AFTPH: variants seen among roughly 807,000 people sequenced by gnomAD.
The protein encoded by AFTPH is aftiphilin protein.
AFTPH carries 7 observed loss-of-function variants against 72.5 expected under a neutral mutation model. The ratio of observed to expected loss-of-function variants is 0.10; its 90% CI spans 0.05 to 0.18. The LOEUF (loss-of-function observed/expected upper bound fraction) is 0.18, where lower values mean the gene tolerates loss of function less well. Among genes scored for constraint, AFTPH ranks in the 10% least tolerant of loss-of-function variants. AFTPH has a pLI of 1.00. For synonymous variants in AFTPH, 337 were observed against 370.1 expected (o/e 0.91, Z 1.03); for missense variants, 979 against 1,060.5 (o/e 0.92, Z 1.07).
rs770416781 is a variant in AFTPH, at chr2:64,553,321, G to C, written c.1847G>C (p.Gly616Ala). 9.9e-6 allele frequency: 16 copies of C among 1,613,996 alleles called. No homozygotes were observed. In the Admixed American group the frequency reaches 1.7e-4, roughly 17 times the overall value. Reference sequence around the variant, plus strand: ...ACAGATGAAAATATTGATACTCCAGGAACCCCCAAAACGCACAGTGTACCT... The same window carrying C: ...ACAGATGAAAATATTGATACTCCAGCAACCCCCAAAACGCACAGTGTACCT... Residue 616 changes from glycine to alanine, a missense_variant, in exon 2 of 9, where the codon GGA becomes GCA. Coordinates refer to ENST00000238856, the Ensembl canonical transcript of AFTPH.
chr2:64,570,910 T>TCCCCCCC (rs1270099419), intron 5 of AFTPH, among the ~76,000 whole-genome samples: 1 of 38,630 alleles, frequency 2.6e-5, no homozygotes, highest in African/African-American at 1.0e-4. Flanking sequence ...ACTTCTTTCC[T>TCCCCCCC]CCCCTCCCCC....
chr2:64,583,440 G>T lies in AFTPH; in HGVS notation c.2456-1982G>T, dbSNP rs184847091. Among the ~76,000 whole-genome samples the T allele has an allele frequency of 1.1e-3, 172 of 150,036 alleles. 2 individuals carry two copies. Among genetic ancestry groups the T allele is most frequent in the African/African-American group, 4.1e-3 (166 of 40,782 alleles). On this transcript the variant is annotated intron_variant, in intron 7 of 8. Coordinates refer to ENST00000238856, the Ensembl canonical transcript of AFTPH. ...TTGGTGTGGTGGTAGTTATTTGGGGGTGTGATTTTGTTGTCTTTTTTTTTA... is the reference window on the plus strand; with the variant it reads ...TTGGTGTGGTGGTAGTTATTTGGGGTTGTGATTTTGTTGTCTTTTTTTTTA...
chr2:64,582,931 G>A (rs555171490), intron 7 of AFTPH, among the ~76,000 whole-genome samples: 1 of 152,328 alleles, frequency 6.6e-6, no homozygotes, highest in South Asian at 2.1e-4. Context: ...AGCGGTTTCA[G>A]AAGCTTAGAG....
chr2:64,558,901 G>T (rs1157156665), intron 2 of AFTPH, among the ~76,000 whole-genome samples: 1 of 152,074 alleles, frequency 6.6e-6, no homozygotes, highest in East Asian at 1.9e-4. Context: ...CACTTACTCA[G>T]ACTGGAACAA....
intron 5 of AFTPH, among the ~76,000 whole-genome samples, chr2:64,570,774 T>C (rs956842535): frequency 3.9e-5 from 6 of 152,212 alleles, no homozygotes; most frequent in Admixed American, 1.3e-4. Flanking sequence ...TACTTAATGC[T>C]TATGCGTAGC....
At chr2:64,529,549 C>T (rs192564316) in intron 1 of AFTPH, among the ~76,000 whole-genome samples, 153 of 151,684 alleles carry the variant, frequency 1.0e-3, no homozygotes, top group African/African-American at 3.6e-3. Context: ...TGGGTGTATA[C>T]ATATTTAAAT....
chr2:64,584,275 C>A (rs1404008203), intron 7 of AFTPH, among the ~76,000 whole-genome samples: 1 of 151,790 alleles, frequency 6.6e-6, no homozygotes, highest in Non-Finnish European at 1.5e-5. Flanking sequence ...GTCATCATTG[C>A]TATAAATCTG....
intron 1 of AFTPH, among the ~76,000 whole-genome samples, chr2:64,535,780 A>G (rs893606950): frequency 2.6e-5 from 4 of 152,170 alleles, no homozygotes; most frequent in Non-Finnish European, 5.9e-5. Context: ...ACGTGTGACA[A>G]CTTAGAGGTA....
chr2:64,525,887 T>TA (rs1669231579), intron 1 of AFTPH, among the ~76,000 whole-genome samples: 1 of 152,222 alleles, frequency 6.6e-6, no homozygotes, highest in East Asian at 1.9e-4. Flanking sequence ...TCACATGGAT[T>TA]AAAAGACAGA....
chr2:64,546,999 A>C (rs1670676271), intron 1 of AFTPH, among the ~76,000 whole-genome samples: 1 of 152,134 alleles, frequency 6.6e-6, no homozygotes, highest in Non-Finnish European at 1.5e-5. Flanking sequence ...CAGTGAGCCG[A>C]GATCGTGCCA....
In AFTPH at chr2:64,529,261, A is replaced by G. The variant is rs376903151; in HGVS notation, c.-33+4649A>G. Among the ~76,000 whole-genome samples the G allele has an allele frequency of 6.0e-5, 9 of 150,172 alleles. 1 individual carries two copies. The East Asian group carries it at 1.6e-3, about 26-fold the overall frequency. On this transcript the variant is annotated intron_variant, in intron 1 of 8. Transcript: ENST00000238856. ...GCCCCATGCTTTATCTTTAATGACT[A>G]CCATTTCCTCTGTCAATTAAATCCT...
chr2:64,546,706 T>C (rs1553397405), intron 1 of AFTPH, among the ~76,000 whole-genome samples: 1 of 152,070 alleles, frequency 6.6e-6, no homozygotes, highest in Non-Finnish European at 1.5e-5. Flanking sequence ...GTGTATCTCC[T>C]ACAACCAAGG....
intron 7 of AFTPH, 28 bp downstream of exon 7, chr2:64,579,574 C>A: frequency 6.3e-7 from 1 of 1,595,836 alleles, no homozygotes; most frequent in Non-Finnish European, 8.6e-7. Flanking sequence ...GCCTCTAGCA[C>A]CAGAGCTAGA....
intron 1 of AFTPH, among the ~76,000 whole-genome samples, chr2:64,531,061 CAAAAAAAAAAA>C (rs370897333): frequency 1.4e-5 from 1 of 71,500 alleles, no homozygotes; most frequent in African/African-American, 4.7e-5. Flanking sequence ...GACTTCATCT[CAAAAAAAAAAA>C]AAAAAAAAAC....
In AFTPH at chr2:64,566,629, T is replaced by G. The variant is rs1376558758; in HGVS notation, c.1936-933T>G. ...TTGATGTTTAAATGGTAAATTGGGC[T>G]AAGTTGGAAAATATATTACATGTAT... is the stretch of plus-strand genomic sequence containing the variant. On this transcript the variant is annotated intron_variant, in intron 2 of 8. Transcript: ENST00000238856. 3.9e-5 allele frequency among the ~76,000 whole-genome samples: 6 copies of G among 152,294 alleles called. No homozygotes were observed. The East Asian group carries it at 1.2e-3, about 29-fold the overall frequency.
chr2:64,540,831 A>G (rs1670208691), intron 1 of AFTPH, among the ~76,000 whole-genome samples: 3 of 152,106 alleles, frequency 2.0e-5, no homozygotes, highest in Admixed American at 2.0e-4. Flanking sequence ...TACTGAAACA[A>G]GATATTTGCT....
chr2:64,549,054 GA>G, intron 1 of AFTPH, among the ~76,000 whole-genome samples: 1 of 152,106 alleles, frequency 6.6e-6, no homozygotes. Context: ...TGAACTTTGG[GA>G]AAGTTACTCA....
At chr2:64,550,732 A>C (rs867317537) in intron 1 of AFTPH, among the ~76,000 whole-genome samples, 13 of 106,782 alleles carry the variant, frequency 1.2e-4, no homozygotes, top group African/African-American at 3.4e-4. Flanking sequence ...CACACACACA[A>C]CTGGTGAAAT....
At chr2:64,529,785 A>G (rs1271594384) in intron 1 of AFTPH, among the ~76,000 whole-genome samples, 2 of 151,886 alleles carry the variant, frequency 1.3e-5, no homozygotes, top group Non-Finnish European at 2.9e-5. Flanking sequence ...GCACACCACC[A>G]TGCCTGGCTA....
Sources: gnomAD v4.1 joint callset for allele counts (sites outside exome capture counted in the v4.1 genomes callset) on GRCh38, gnomAD v4.1.1 for gene constraint, MANE v1.5 for transcripts, NCBI Gene and HGNC (gene_info 2026-07-23, HGNC 2026-07-21) for gene names.